RBFOX1: variants seen among roughly 807,000 people sequenced by gnomAD.
The protein encoded by RBFOX1 is RNA binding fox-1 homolog 1, also known as RNA binding protein fox-1 homolog 1.
In RBFOX1, 8 loss-of-function variants were observed where a neutral mutation model predicts 57.7. That is an observed-to-expected ratio of 0.14 (90% CI 0.08 to 0.25). The LOEUF is 0.25. Ranked by LOEUF, RBFOX1 falls within the 10% of genes least tolerant of loss-of-function variation. RBFOX1 has a pLI of 1.00. For missense variants in RBFOX1, 611 were observed against 548.5 expected (o/e 1.11, Z -1.14); for synonymous variants, 326 against 222.4 (o/e 1.47, Z -4.15).
chr16:5,840,511 A>G (rs2056593341), intron 3 of RBFOX1, among the ~76,000 whole-genome samples: 1 of 152,174 alleles, frequency 6.6e-6, no homozygotes, highest in South Asian at 2.1e-4. Flanking sequence ...TGCCTTCAGA[A>G]CACCAGGAAC....
chr16:6,812,858 T>A (rs2089084112), intron 3 of RBFOX1, among the ~76,000 whole-genome samples: 1 of 152,160 alleles, frequency 6.6e-6, no homozygotes. Flanking sequence ...CACTTAGAAA[T>A]GGTGGGAAGC....
rs538222689 is a variant in RBFOX1 at position 6,558,713 on chromosome 16, G to A, written c.-63-95890G>A. Among the ~76,000 whole-genome samples, 16 of 152,042 alleles carry A rather than the reference G, an allele frequency of 1.1e-4. No individual in the cohort carries two copies. In the South Asian group the frequency reaches 2.9e-3, roughly 28 times the overall value. Reference sequence around the variant, plus strand: ...AGGTGCTTATTCATTCCCTCCGTCCGTCCCACTCTCACACAGGTAAAGAAC... The same window carrying A: ...AGGTGCTTATTCATTCCCTCCGTCCATCCCACTCTCACACAGGTAAAGAAC... On this transcript the variant is annotated intron_variant, in intron 2 of 15. Coordinates refer to ENST00000550418, the MANE Select transcript of RBFOX1 (RefSeq NM_018723.4).
At position 7,587,168 on chromosome 16, in the gene RBFOX1, G is replaced by C. The variant is rs74764552; in HGVS notation, c.415-79G>C. On this transcript the variant is annotated intron_variant, in intron 6 of 15. Transcript: ENST00000550418. ...TATTAAAAGAGAAAAAAATGGACGT[G>C]GGAAACAATTACTACTGTACATAGT... 7.1e-4 allele frequency: 936 copies of C among 1,323,926 alleles called. 3 individuals are homozygous for C. In the African/African-American group the frequency reaches 0.012, roughly 17 times the overall value. The allele number at this position is 1,323,926 out of a possible 1,614,324, so 82.0% of individuals were successfully genotyped here. A position where few individuals can be genotyped will look rare whatever the true frequency, so the allele number is the denominator to read the frequency against.
chr16:6,829,019 T>C (rs575630658), intron 3 of RBFOX1, among the ~76,000 whole-genome samples: 5 of 152,246 alleles, frequency 3.3e-5, no homozygotes, highest in Non-Finnish European at 5.9e-5. Flanking sequence ...GACTCATCCT[T>C]GAATTCCTTC....
At chr16:5,493,440 C>A (rs185975657) in intron 2 of RBFOX1, among the ~76,000 whole-genome samples, 1 of 152,130 alleles carries the variant, frequency 6.6e-6, no homozygotes, top group South Asian at 2.1e-4. Flanking sequence ...TACCTGAGAT[C>A]TAAGGTGTAA....
At chr16:6,033,538 T>C (rs1369929541) in intron 1 of RBFOX1, among the ~76,000 whole-genome samples, 1 of 152,240 alleles carries the variant, frequency 6.6e-6, no homozygotes, top group African/African-American at 2.4e-5. Flanking sequence ...TTCCACTGTT[T>C]GCTCTTTTTA....
intron 4 of RBFOX1, chr16:7,423,093 A>AAGAG (rs56239071): frequency 2.1e-5 from 3 of 144,990 alleles, no homozygotes; most frequent in East Asian, 2.1e-4. Flanking sequence ...ATGAGGGAGA[A>AAGAG]AGAGAGAGAG....
chr16:5,877,967 C>T (rs145346271), intron 4 of RBFOX1, among the ~76,000 whole-genome samples: 1 of 152,320 alleles, frequency 6.6e-6, no homozygotes, highest in African/African-American at 2.4e-5. Flanking sequence ...GTCTCGGCTC[C>T]ACCTCCAGAG....
chr16:5,578,887 G>A (rs901169001), intron 2 of RBFOX1, among the ~76,000 whole-genome samples: 1 of 113,594 alleles, frequency 8.8e-6, no homozygotes, highest in Non-Finnish European at 1.6e-5. Flanking sequence ...TCACTCTGTC[G>A]CCCAGACTGG....
intron 3 of RBFOX1, among the ~76,000 whole-genome samples, chr16:5,615,903 A>C (rs1162357234): frequency 1.3e-5 from 2 of 152,160 alleles, no homozygotes; most frequent in Admixed American, 6.5e-5. Flanking sequence ...TTCAGTGCTT[A>C]AAACGGGTCA....
At chr16:5,737,524 AT>A (rs35288763) in intron 3 of RBFOX1, among the ~76,000 whole-genome samples, 50,394 of 128,088 alleles carry the variant, frequency 0.39, 8,358 homozygotes, top group East Asian at 0.51. Context: ...AATATTCTGG[AT>A]TTTTTTTTTT....
intron 1 of RBFOX1, among the ~76,000 whole-genome samples, chr16:5,262,489 A>G (rs1271505772): frequency 6.6e-6 from 1 of 152,196 alleles, no homozygotes; most frequent in Non-Finnish European, 1.5e-5. Context: ...TCCTGAGTTT[A>G]GATGTGGACT....
chr16:6,863,512 G>C (rs1023842615), intron 3 of RBFOX1, among the ~76,000 whole-genome samples: 1 of 151,946 alleles, frequency 6.6e-6, no homozygotes, highest in Non-Finnish European at 1.5e-5. Flanking sequence ...AGCAGGAACT[G>C]TGTTTTAATA....
At chr16:7,113,970 C>T (rs758145613) in intron 4 of RBFOX1, among the ~76,000 whole-genome samples, 8 of 152,032 alleles carry the variant, frequency 5.3e-5, no homozygotes, top group Non-Finnish European at 1.0e-4. Flanking sequence ...ATCACTTGTG[C>T]CTTTTGCATC....
intron 4 of RBFOX1, among the ~76,000 whole-genome samples, chr16:7,174,412 C>G (rs187954379): frequency 7.2e-5 from 11 of 152,236 alleles, no homozygotes; most frequent in African/African-American, 2.4e-4. Context: ...TGGATATATG[C>G]TTTCACCTTT....
chr16:5,596,097 A>G (rs550242772), intron 2 of RBFOX1, among the ~76,000 whole-genome samples: 5 of 152,204 alleles, frequency 3.3e-5, no homozygotes, highest in Admixed American at 2.6e-4. Flanking sequence ...AGGGATGTGG[A>G]GAGGGAAAGC....
intron 3 of RBFOX1, among the ~76,000 whole-genome samples, chr16:6,984,595 C>G (rs1032133002): frequency 1.3e-5 from 2 of 152,116 alleles, no homozygotes; most frequent in African/African-American, 2.4e-5. Context: ...TTATGCTGGA[C>G]AGAATCTTAG....
intron 2 of RBFOX1, among the ~76,000 whole-genome samples, chr16:5,554,337 A>G (rs1479925355): frequency 6.6e-6 from 1 of 152,194 alleles, no homozygotes; most frequent in African/African-American, 2.4e-5. Context: ...TATATGCGAA[A>G]GTTATAAAAC....
chr16:6,808,805 C>G (rs1435628790), intron 3 of RBFOX1, among the ~76,000 whole-genome samples: 1 of 152,128 alleles, frequency 6.6e-6, no homozygotes, highest in Non-Finnish European at 1.5e-5. Context: ...CCAGTCATAA[C>G]ATACAATATC....
Sources: allele counts gnomAD v4.1 joint callset (sites outside exome capture counted in the v4.1 genomes callset), GRCh38; gene constraint gnomAD v4.1.1; transcripts MANE v1.5; gene names NCBI Gene and HGNC (gene_info 2026-07-23, HGNC 2026-07-21).